The following DIP2B variants were observed in gnomAD, a reference collection of about 807,000 sequenced individuals.
DIP2B encodes the protein disco-interacting protein 2 homolog B.
In DIP2B, 76 loss-of-function variants were observed where a neutral mutation model predicts 198.0. That is an observed-to-expected ratio of 0.38 (90% confidence interval 0.32 to 0.46). The LOEUF is 0.46. Ranked by LOEUF, DIP2B falls within the 20% of genes least tolerant of loss-of-function variation. The pLI is 0.99. For missense variants in DIP2B, 1,559 were observed against 1,978.4 expected (o/e 0.79, Z 4.02); for synonymous variants, 701 against 739.1 (o/e 0.95, Z 0.84).
chr12:50,505,468 A>G (rs10876040), intron 1 of DIP2B, among the ~76,000 whole-genome samples: 142,924 of 152,206 alleles, frequency 0.94, 67,767 homozygotes, highest in East Asian at 1. Context: ...GCTTGTGGAA[A>G]GGTCCTCCCG....
chr12:50,686,341 C>T (rs910737790), intron 11 of DIP2B, among the ~76,000 whole-genome samples: 2 of 152,144 alleles, frequency 1.3e-5, no homozygotes, highest in Admixed American at 1.3e-4. Flanking sequence ...AAACGGACCT[C>T]CCAGTTGTTG....
At chr12:50,675,525 AG>A in intron 7 of DIP2B, 77 bp downstream of exon 7, 1 of 1,385,004 alleles carries the variant, frequency 7.2e-7, no homozygotes, top group Non-Finnish European at 9.8e-7. Context: ...TAGGTACTGT[AG>A]GGTTAAAGAA....
intron 4 of DIP2B, among the ~76,000 whole-genome samples, chr12:50,667,405 G>T (rs1051182642): frequency 3.3e-5 from 5 of 152,126 alleles, no homozygotes; most frequent in Non-Finnish European, 2.9e-5. Context: ...AGAATCAGTA[G>T]GGAAATGATA....
At chr12:50,628,513 C>A (rs1403215039) in intron 2 of DIP2B, among the ~76,000 whole-genome samples, 1 of 152,232 alleles carries the variant, frequency 6.6e-6, no homozygotes, top group East Asian at 1.9e-4. Flanking sequence ...AGGCAGACAG[C>A]TGCATTGCCC....
chr12:50,617,215 G>A (rs1169218858), intron 1 of DIP2B, among the ~76,000 whole-genome samples: 1 of 151,586 alleles, frequency 6.6e-6, no homozygotes, highest in Admixed American at 6.6e-5. Context: ...GAGTGCAGTG[G>A]CGCGATCTCG....
chr12:50,695,814 G>A (rs1403063121), intron 15 of DIP2B, 34 bp from the exon 16 acceptor site: 1 of 1,611,570 alleles, frequency 6.2e-7, no homozygotes, highest in East Asian at 2.2e-5. Flanking sequence ...CAAATTTATT[G>A]TGTATGTTAA....
chr12:50,647,986 G>A (rs1465533640), intron 3 of DIP2B, among the ~76,000 whole-genome samples: 1 of 152,092 alleles, frequency 6.6e-6, no homozygotes, highest in African/African-American at 2.4e-5. Context: ...TGCGCCTGTA[G>A]TACCAGCTAT....
At chr12:50,698,288 G>A (rs1426996169) in intron 17 of DIP2B, 40 bp from the exon 18 acceptor site, 1 of 1,584,886 alleles carries the variant, frequency 6.3e-7, no homozygotes, top group East Asian at 2.3e-5. Context: ...TTCCCTTGAT[G>A]TTATTTCATT....
chr12:50,716,943 AT>A (rs1373185854), intron 23 of DIP2B, among the ~76,000 whole-genome samples: 1 of 87,930 alleles, frequency 1.1e-5, no homozygotes, highest in Non-Finnish European at 2.4e-5. Context: ...CCTATCCTAG[AT>A]TTACGAATTG....
At chr12:50,632,724 A>G (rs941918766) in intron 2 of DIP2B, among the ~76,000 whole-genome samples, 3 of 151,198 alleles carry the variant, frequency 2.0e-5, no homozygotes, top group Admixed American at 2.0e-4. Context: ...TTCAGTAGAG[A>G]CAAGGTTTCA....
At chr12:50,731,291 T>C in intron 30 of DIP2B, 78 bp from the exon 31 acceptor site, 1 of 1,523,814 alleles carries the variant, frequency 6.6e-7, no homozygotes, top group South Asian at 1.2e-5. Flanking sequence ...AGTAAATATC[T>C]GTGGAATTGG....
At chr12:50,573,010 C>A (rs1232190809) in intron 1 of DIP2B, among the ~76,000 whole-genome samples, 1 of 152,208 alleles carries the variant, frequency 6.6e-6, no homozygotes, top group Non-Finnish European at 1.5e-5. Context: ...CACTCAGAAA[C>A]TGATCAGGCA....
chr12:50,629,232 T>C (rs1275990490), intron 2 of DIP2B, among the ~76,000 whole-genome samples: 1 of 152,204 alleles, frequency 6.6e-6, no homozygotes, highest in Non-Finnish European at 1.5e-5. Flanking sequence ...TGGTCTTTCT[T>C]ACAGGCTCAT....
intron 25 of DIP2B, among the ~76,000 whole-genome samples, chr12:50,719,455 T>C (rs1007242267): frequency 4.6e-5 from 7 of 152,232 alleles, no homozygotes; most frequent in Non-Finnish European, 8.8e-5. Flanking sequence ...GGTACATAGT[T>C]AAATGATTTA....
intron 4 of DIP2B, 49 bp downstream of exon 4, chr12:50,660,368 C>T: frequency 5.3e-6 from 8 of 1,522,260 alleles, no homozygotes; most frequent in Non-Finnish European, 7.0e-6. Context: ...CCTTGATGTT[C>T]CTGAAATAAG....
At chr12:50,741,010 C>T (rs902453424) in intron 36 of DIP2B, among the ~76,000 whole-genome samples, 1 of 152,196 alleles carries the variant, frequency 6.6e-6, no homozygotes, top group Admixed American at 6.5e-5. Flanking sequence ...GGGCTTGTTA[C>T]ATTACAACGG....
intron 26 of DIP2B, among the ~76,000 whole-genome samples, chr12:50,721,665 A>G (rs916104548): frequency 6.6e-6 from 1 of 152,226 alleles, no homozygotes; most frequent in Non-Finnish European, 1.5e-5. Flanking sequence ...TAAATAATGA[A>G]TGAATGAAGT....
At position 50,746,848 on chromosome 12, in the gene DIP2B, C is replaced by A. The variant is rs1357416486; in HGVS notation, c.*2009C>A. The A allele has an allele frequency of 3.3e-5, 5 of 152,164 alleles. No individual in the cohort carries two copies. Among genetic ancestry groups the A allele is most frequent in the African/African-American group, 1.2e-4 (5 of 41,432 alleles). 9.4% of individuals were successfully genotyped at this position (152,164 alleles called of 1,614,324 possible). A position where few individuals can be genotyped will look rare whatever the true frequency, so the allele number is the denominator to read the frequency against. Reference sequence around the variant, plus strand: ...AGTCTAGCTCTATAATCCCCAAGTTCTAAAAGTTATGGTTAGATGCTATTC... The same window carrying A: ...AGTCTAGCTCTATAATCCCCAAGTTATAAAAGTTATGGTTAGATGCTATTC... On this transcript the variant is annotated 3_prime_UTR_variant, in exon 38 of 38. Transcript: ENST00000301180.
chr12:50,737,762 A>G (rs1284623232), intron 35 of DIP2B, among the ~76,000 whole-genome samples: 1 of 151,610 alleles, frequency 6.6e-6, no homozygotes, highest in East Asian at 1.9e-4. Context: ...AACTTTTTGT[A>G]TTTTTAGTAG....
Sources: gnomAD v4.1 joint callset for allele counts (sites outside exome capture counted in the v4.1 genomes callset) on GRCh38, gnomAD v4.1.1 for gene constraint, MANE v1.5 for transcripts, NCBI Gene and HGNC (gene_info 2026-07-23, HGNC 2026-07-21) for gene names.